MYO19: variants seen among roughly 807,000 people sequenced by gnomAD.
The protein encoded by MYO19 is myosin XIX, also known as unconventional myosin-XIX.
In MYO19, 132 loss-of-function variants were observed where a neutral mutation model predicts 129.2. The ratio of observed to expected loss-of-function variants is 1.02; its 90% CI spans 0.89 to 1.18. MYO19 has a LOEUF of 1.18. MYO19 is among the 50% of genes most tolerant of loss of function. MYO19 has a pLI of 0.00. For synonymous variants in MYO19, 531 were observed against 477.2 expected (o/e 1.11, Z -1.47); for missense variants, 1,210 against 1,216.7 (o/e 0.99, Z 0.08).
chr17:36,531,182 C>T (rs1431188457), intron 3 of MYO19, among the ~76,000 whole-genome samples: 1 of 151,944 alleles, frequency 6.6e-6, no homozygotes, highest in Admixed American at 6.6e-5. Context: ...ATCACGAGGT[C>T]AGGAGATCGA....
intron 6 of MYO19, among the ~76,000 whole-genome samples, chr17:36,522,027 T>TA (rs1567777143): frequency 2.2e-5 from 1 of 46,178 alleles, no homozygotes; most frequent in African/African-American, 6.5e-5. Flanking sequence ...AAGACTGTCT[T>TA]TAAAAAAAAA....
intron 3 of MYO19, 89 bp downstream of exon 3, chr17:36,532,438 A>C: frequency 2.0e-6 from 3 of 1,488,656 alleles, no homozygotes; most frequent in Non-Finnish European, 2.8e-6. Flanking sequence ...AGAGACCTTT[A>C]AGGGGGCTTT....
intron 23 of MYO19, chr17:36,500,582 G>A (rs779002518): frequency 7.3e-5 from 38 of 521,304 alleles, no homozygotes; most frequent in Non-Finnish European, 1.1e-4. Flanking sequence ...TAAAGACAAC[G>A]CTTAGACAAC....
rs2070936639 is a variant in MYO19, at chr17:36,496,036, T to C, written c.*215A>G. The C allele has an allele frequency of 1.2e-6, 1 of 800,140 alleles. No individual in the cohort carries two copies. Among genetic ancestry groups the C allele is most frequent in the Middle Eastern group, 3.9e-4 (1 of 2,582 alleles). The allele number at this position is 800,140 out of a possible 1,614,324, so 49.6% of individuals were successfully genotyped here. On this transcript the variant is annotated 3_prime_UTR_variant, in exon 26 of 26. Transcript: ENST00000614623. ...TGTTTCTTAACCCTGATTTGGTAAC[T>C]ACCAGCCCTGACACCATCAGTGCTT...
chr17:36,517,295 T>C (rs1459459361), intron 6 of MYO19, among the ~76,000 whole-genome samples: 1 of 152,218 alleles, frequency 6.6e-6, no homozygotes, highest in Non-Finnish European at 1.5e-5. Flanking sequence ...AAAGTCTTGC[T>C]GTCACCCAGG....
At chr17:36,535,458 C>T (rs572313469), upstream of MYO19, 6 of 152,366 alleles carry the variant, frequency 3.9e-5, no homozygotes, top group East Asian at 1.2e-3. Flanking sequence ...CCGGAAGTGC[C>T]AGCTGCCTGC....
At chr17:36,506,267 C>T (rs2071878606) in intron 18 of MYO19, among the ~76,000 whole-genome samples, 189 bp downstream of exon 18, 1 of 152,130 alleles carries the variant, frequency 6.6e-6, no homozygotes, top group Non-Finnish European at 1.5e-5. Context: ...TCATATTATA[C>T]CTGATAGCCT....
chr17:36,523,145 C>T (rs1374419866), intron 6 of MYO19, among the ~76,000 whole-genome samples: 1 of 149,114 alleles, frequency 6.7e-6, no homozygotes, highest in Non-Finnish European at 1.5e-5. Flanking sequence ...TGAGATTGTG[C>T]CACTGCACTC....
In MYO19 at chr17:36,495,770, A is replaced by G; in HGVS notation, c.*481T>C. On this transcript the variant is annotated 3_prime_UTR_variant, in exon 26 of 26. Coordinates refer to ENST00000614623, the MANE Select transcript of MYO19 (RefSeq NM_001163735.2). Reference sequence around the variant, plus strand: ...GATTCTACTGTACATTGCATTATTCATAATTTAATTGTTTGAAATTACATT... The same window carrying G: ...GATTCTACTGTACATTGCATTATTCGTAATTTAATTGTTTGAAATTACATT... The G allele has an allele frequency of 5.6e-6, 7 of 1,240,980 alleles. No individual in the cohort carries two copies. Among genetic ancestry groups the G allele is most frequent in the Non-Finnish European group, 7.0e-6 (7 of 993,172 alleles). The allele number at this position is 1,240,980 out of a possible 1,614,324, so 76.9% of individuals were successfully genotyped here. A position where few individuals can be genotyped will look rare whatever the true frequency, so the allele number is the denominator to read the frequency against.
intron 2 of MYO19, among the ~76,000 whole-genome samples, chr17:36,540,588 C>T (rs2074192178): frequency 6.6e-6 from 1 of 152,176 alleles, no homozygotes; most frequent in African/African-American, 2.4e-5. Flanking sequence ...CCAGGCCAGT[C>T]TCGAACTCCT....
Position 36,496,400 on chromosome 17 carries a change from TC to T in MYO19, c.2763del (p.Ile922Ter). ...GGAGACTTTCTGCAGTGAAACTTTA[TC>T]GATCCCTAGAGGGGAGAGAGAGATG... ...VTSIRALPQG[S>X]IKFHCRKSPL... On this transcript the variant is annotated frameshift_variant, in exon 26 of 26. Coordinates refer to ENST00000614623, the MANE Select transcript of MYO19 (RefSeq NM_001163735.2). LOFTEE classifies it high-confidence loss of function. 1 of 1,613,926 alleles carries T rather than the reference TC, an allele frequency of 6.2e-7. No individual in the cohort carries two copies. The highest frequency in any genetic ancestry group is 8.5e-7 in the Non-Finnish European group (1 of 1,179,852).
rs1384105082 is a variant in MYO19, at chr17:36,506,605, G to C, written c.1648C>G (p.Pro550Ala). The stretch of plus-strand genomic sequence containing the variant: ...AGCCTGGTCAGCTCAGGTGGGATAG[G>C]GTCCTATTGGGAAATGGCAAGAGCA... The part of the protein sequence containing the change: ...TAGLVEKNKD[P>A]IPPELTRLLQ... Residue 550 changes from proline (P) to alanine (A), a missense_variant, in exon 18 of 26, where the codon CCT (proline) becomes GCT (alanine). Coordinates refer to ENST00000614623, the MANE Select transcript of MYO19 (RefSeq NM_001163735.2). The C allele has an allele frequency of 6.6e-7, 1 of 1,523,980 alleles. No homozygotes were observed. The highest frequency in any genetic ancestry group is 8.8e-7 in the Non-Finnish European group (1 of 1,140,130). 94.4% of individuals were successfully genotyped at this position (1,523,980 alleles called of 1,614,324 possible). A position where few individuals can be genotyped will look rare whatever the true frequency, so the allele number is the denominator to read the frequency against.
intron 6 of MYO19, among the ~76,000 whole-genome samples, chr17:36,521,234 AAC>A (rs1340859038): frequency 1.3e-5 from 2 of 152,216 alleles, no homozygotes; most frequent in Non-Finnish European, 2.9e-5. Context: ...CTTGTACGTA[AAC>A]ACAGATTCTA....
chr17:36,537,424 C>T, upstream of MYO19: 3 of 1,614,112 alleles, frequency 1.9e-6, no homozygotes, highest in Non-Finnish European at 2.5e-6. Context: ...GCCAGACTGC[C>T]TTTCCTAAAA....
At chr17:36,538,737 C>G, upstream of MYO19, 3 of 858,964 alleles carry the variant, frequency 3.5e-6, no homozygotes, top group South Asian at 5.8e-5. Flanking sequence ...TTTCAGTCAT[C>G]TAAACAGCAG....
At position 36,506,986 on chromosome 17, in the gene MYO19, C is replaced by A; in HGVS notation, c.1621G>T (p.Ala541Ser). The A allele has an allele frequency of 6.2e-7, 1 of 1,601,968 alleles. No homozygotes were observed. The highest frequency in any genetic ancestry group is 8.5e-7 in the Non-Finnish European group (1 of 1,170,582). Residue 541 changes from alanine to serine, a missense_variant, in exon 17 of 26, where the codon GCA (alanine) becomes TCA (serine). Coordinates refer to ENST00000614623, the MANE Select transcript of MYO19 (RefSeq NM_001163735.2). ...ACCTTGTTCTTCTCCACCAGGCCTG[C>A]TGTGTGGTACCGCACAGGCCCCGCA... ...HYAGPVRYHT[A>S]GLVEKNKDPI...
intron 3 of MYO19, among the ~76,000 whole-genome samples, chr17:36,529,709 G>GA (rs954236457): frequency 2.4e-4 from 36 of 150,146 alleles, no homozygotes; most frequent in African/African-American, 5.6e-4. Context: ...TTATGAAGGG[G>GA]AAAAAAAAAC....
chr17:36,518,550 ATATG>A (rs1311864605), intron 6 of MYO19, among the ~76,000 whole-genome samples: 8,423 of 99,614 alleles, frequency 0.085, 761 homozygotes, highest in Non-Finnish European at 0.12. Flanking sequence ...ATATATATAT[ATATG>A]TGTATGTGTA....
intron 12 of MYO19, 111 bp downstream of exon 12, chr17:36,511,254 A>G (rs531685860): frequency 5.8e-6 from 7 of 1,200,764 alleles, no homozygotes; most frequent in Admixed American, 4.0e-5. Flanking sequence ...GGTGGGTGGC[A>G]TAAGCAAGGG....
Sources: allele counts gnomAD v4.1 joint callset (sites outside exome capture counted in the v4.1 genomes callset), GRCh38; gene constraint gnomAD v4.1.1; transcripts MANE v1.5; gene names NCBI Gene and HGNC (gene_info 2026-07-23, HGNC 2026-07-21).